Variants in SIGIRR observed in about 807,000 individuals in gnomAD.
The protein encoded by SIGIRR is single Ig IL-1-related receptor.
A neutral mutation model predicts 45.6 loss-of-function variants in SIGIRR; 41 were observed. The ratio of observed to expected loss-of-function variants is 0.90; its 90% CI spans 0.70 to 1.17. The LOEUF (loss-of-function observed/expected upper bound fraction) is 1.17. Among genes scored for constraint, SIGIRR ranks in the 50% most tolerant of loss-of-function variants. SIGIRR has a pLI of 0.00. For missense variants in SIGIRR, 599 were observed against 539.6 expected (o/e 1.11, Z -1.09); for synonymous variants, 298 against 239.0 (o/e 1.25, Z -2.28).
At chr11:406,141 C>A (rs1251770946) in intron 9 of SIGIRR, 82 bp from the exon 10 acceptor site, 7 of 1,538,846 alleles carry the variant, frequency 4.5e-6, no homozygotes, top group Non-Finnish European at 6.1e-6. Flanking sequence ...CCCCTGCTCA[C>A]CCCCTGCTGT....
chr11:407,117 TGA>T lies in SIGIRR; in HGVS notation c.671_672del (p.Leu224HisfsTer116). The T allele has an allele frequency of 3.3e-6, 5 of 1,534,252 alleles. No individual in the cohort carries two copies. The highest frequency in any genetic ancestry group is 5.1e-5 in the East Asian group (2 of 39,354). ...LLVNLSRCRR[L>X]IVVLSDAFLS... is the part of the protein sequence containing the mutation. ...AGGAAGGCGTCCGAAAGCACCACGA[TGA>T]GGCGTCGGCAGCGGCTCAGGTTCAC... On this transcript the variant is annotated frameshift_variant, in exon 7 of 10. Coordinates refer to ENST00000431843, the MANE Select transcript of SIGIRR (RefSeq NM_001135054.2). LOFTEE classifies it high-confidence loss of function.
At chr11:412,981 C>T (rs551168921) in intron 1 of SIGIRR, among the ~76,000 whole-genome samples, 1 of 152,256 alleles carries the variant, frequency 6.6e-6, no homozygotes, top group East Asian at 1.9e-4. Context: ...CAGGGAGAAG[C>T]CCAGAGCCTC....
At chr11:407,796 G>GC (rs1208360524) in intron 5 of SIGIRR, 21 bp downstream of exon 5, 1 of 1,611,826 alleles carries the variant, frequency 6.2e-7, no homozygotes, top group Admixed American at 1.7e-5. Flanking sequence ...CCCTCCTCGC[G>GC]CCCACGCGGG....
rs1046563199 is a variant in SIGIRR at position 408,797 on chromosome 11, C to T, written c.104G>A (p.Trp35Ter). ...GSSVALNCTAWVVSGPHCSLP... is the reference protein window; with the variant it reads ...GSSVALNCTA ...GGAGCAGTGGGGCCCAGAGACTACC[C>T]AAGCCGTGCAGTTCAGAGCCACTGA... The change falls in exon 3 of 10, where the codon TGG (tryptophan) becomes TAG (stop). Residue 35 changes from tryptophan (W) to a stop codon, truncating the protein, a stop_gained. Coordinates refer to ENST00000431843, the MANE Select transcript of SIGIRR (RefSeq NM_001135054.2). LOFTEE classifies it high-confidence loss of function. 6.2e-7 allele frequency: 1 copy of T among 1,612,762 alleles called. No homozygotes were observed.
Position 407,302 on chromosome 11 carries a change from T to G in SIGIRR, c.625+123A>C, listed in dbSNP as rs1193114502. On this transcript the variant is annotated intron_variant, in intron 6 of 9. Transcript: ENST00000431843. ...GTGGGCGGGTTTTTGAGGCGGGGCC[T>G]CGGGTGGGCGGGGATGGGGGCGGAG... 3.1e-5 allele frequency: 20 copies of G among 642,100 alleles called. 2 individuals carry two copies. The highest frequency in any genetic ancestry group is 1.6e-4 in the South Asian group (7 of 44,952). The allele number at this position is 642,100 out of a possible 1,614,324, so 39.8% of individuals were successfully genotyped here.
chr11:406,044 A>C lies in SIGIRR; in HGVS notation c.1085T>G (p.Val362Gly), dbSNP rs759000095. The C allele has an allele frequency of 1.4e-4, 215 of 1,586,022 alleles. No homozygotes were observed. Among genetic ancestry groups the C allele is most frequent in the Non-Finnish European group, 8.6e-7 (1 of 1,167,436 alleles). ...PEGDLGVRGPVFGEPSAPPHT... is the reference protein window; with the variant it reads ...PEGDLGVRGPGFGEPSAPPHT... ...CGGTGGAGCTGATGGCTCTCCAAAG[A>C]CAGGCCCCCGGACACCTGGGGTGGG... The change falls in exon 10 of 10, where the codon GTC becomes GGC. Residue 362 changes from valine to glycine, a missense_variant. Coordinates refer to ENST00000431843, the MANE Select transcript of SIGIRR (RefSeq NM_001135054.2).
upstream of SIGIRR, among the ~76,000 whole-genome samples, chr11:415,207 CGTGTGTGTGTGTGTGTGTGTGTGT>C (rs71022908): frequency 4.8e-5 from 7 of 144,486 alleles, no homozygotes; most frequent in East Asian, 6.1e-4. This position sits in a 1 kb window ranked among gnomAD's most constrained non-coding sequence, Gnocchi z 6.6. Context: ...CTCTGTGCAG[CGTGTGTGTGTGTGTGTGTGTGTGT>C]GTGTGTGTGT....
rs1847371606 is a variant in SIGIRR, at chr11:407,273, CGGGGT to C, written c.626-114_626-110del. The C allele has an allele frequency of 1.1e-3, 11 of 10,090 alleles. No individual in the cohort carries two copies. In the East Asian group the frequency reaches 0.058, roughly 53 times the overall value. 0.6% of individuals were successfully genotyped at this position (10,090 alleles called of 1,614,324 possible). ...AGCTCTAAGGGAGGGGCGGGGCCTG[CGGGGT>C]GGGCGGGTTTTTGAGGCGGGGCCTC... On this transcript the variant is annotated intron_variant, in intron 6 of 9. Coordinates refer to ENST00000431843, the MANE Select transcript of SIGIRR (RefSeq NM_001135054.2).
chr11:413,128 G>T (rs1462725238), intron 1 of SIGIRR, among the ~76,000 whole-genome samples: 1 of 152,138 alleles, frequency 6.6e-6, no homozygotes, highest in East Asian at 1.9e-4. Flanking sequence ...TGGGGATCAA[G>T]CCTAAGTTTC....
chr11:415,830 G>A (rs1054505135), upstream of SIGIRR, among the ~76,000 whole-genome samples: 2 of 152,176 alleles, frequency 1.3e-5, no homozygotes, highest in South Asian at 2.1e-4. The surrounding 1 kb of genome is among the most constrained non-coding windows in gnomAD (Gnocchi z 6.6). Flanking sequence ...CCCAGTGACC[G>A]GTGGCTGGTA....
chr11:410,619 CGGGGGG>C (rs35815340), intron 1 of SIGIRR, among the ~76,000 whole-genome samples: 1 of 5,704 alleles, frequency 1.8e-4, no homozygotes, highest in Non-Finnish European at 2.9e-4. Context: ...TGGATGCAGT[CGGGGGG>C]GGGGGGTGCC....
Position 406,404 on chromosome 11 carries a change from G to C in SIGIRR, c.1014C>G (p.Val338=). 1.2e-6 allele frequency: 2 copies of C among 1,612,726 alleles called. No homozygotes were observed. The highest frequency in any genetic ancestry group is 1.7e-6 in the Non-Finnish European group (2 of 1,179,896). ...KDPMLILRGR[V]PEGRALDSEV... ...CTGAGTCCAGGGCCCGGCCCTCAGGGACTCGGCCTCGAAGAATCAGCATGG... is the reference window on the plus strand; with the variant it reads ...CTGAGTCCAGGGCCCGGCCCTCAGGCACTCGGCCTCGAAGAATCAGCATGG... Residue 338 remains valine, a synonymous_variant, in exon 9 of 10, where the codon GTC becomes GTG. Transcript: ENST00000431843.
rs779414745 is a variant in SIGIRR at position 407,434 on chromosome 11, G to A, written c.616C>T (p.Pro206Ser). 22 of 1,548,006 alleles carry A rather than the reference G, an allele frequency of 1.4e-5. No homozygotes were observed. In the African/African-American group the frequency reaches 3.0e-4, roughly 21 times the overall value. Residue 206 changes from proline (P) to serine (S), a missense_variant, in exon 6 of 10, where the codon CCG (proline) becomes TCG (serine). Coordinates refer to ENST00000431843, the MANE Select transcript of SIGIRR (RefSeq NM_001135054.2). ...KLFLDDRDLLPRAEPSADLLV... is the reference protein window; with the variant it reads ...KLFLDDRDLLSRAEPSADLLV... ...GTGGGGCCCGGGATACCAGCGCGCG[G>A]CAGGAGGTCGCGGTCGTCCAGGAAG... is the stretch of plus-strand genomic sequence containing the variant.
intron 2 of SIGIRR, 119 bp downstream of exon 2, chr11:409,749 C>A (rs1257193599): frequency 9.3e-6 from 11 of 1,176,802 alleles, no homozygotes; most frequent in African/African-American, 1.6e-5. Flanking sequence ...CCTTTGTACC[C>A]CCGGCATGTG....
Position 405,737 on chromosome 11 carries a change from T to G in SIGIRR, c.*159A>C. 1 of 818,366 alleles carries G rather than the reference T, an allele frequency of 1.2e-6. No homozygotes were observed. The highest frequency in any genetic ancestry group is 1.8e-6 in the Non-Finnish European group (1 of 546,584). The allele number at this position is 818,366 out of a possible 1,614,324, so 50.7% of individuals were successfully genotyped here. A position where few individuals can be genotyped will look rare whatever the true frequency, so the allele number is the denominator to read the frequency against. On this transcript the variant is annotated 3_prime_UTR_variant, in exon 10 of 10. Transcript: ENST00000431843. ...CCAGCAGAATCCAAAAGGACTTTAT[T>G]TTCTGGCACTGGGAGGCGCCCTGAG...
chr11:406,321 G>A, intron 9 of SIGIRR, 28 bp downstream of exon 9: 1 of 1,609,012 alleles, frequency 6.2e-7, no homozygotes, highest in Non-Finnish European at 8.5e-7. Flanking sequence ...AGCTTCTCCA[G>A]TTGGGGAGTG....
rs777476009 is a variant in SIGIRR at position 406,892 on chromosome 11, C to T, written c.830G>A (p.Arg277His). 3 of 1,585,952 alleles carry T rather than the reference C, an allele frequency of 1.9e-6. No individual in the cohort carries two copies. The highest frequency in any genetic ancestry group is 2.3e-5 in the East Asian group (1 of 44,092). Residue 277 changes from arginine (R) to histidine (H), a missense_variant, in exon 8 of 10, where the codon CGC (arginine) becomes CAC (histidine). Physicochemically the swap from Arg to His is conservative, Grantham distance 29 (BLOSUM62 0). Transcript: ENST00000431843. Reference protein sequence around the residue: ...DPAHPALRLLRQHRHLVTLLL... With the variant: ...DPAHPALRLLHQHRHLVTLLL... ...CAAGGTCACCAGGTGGCGGTGCTGG[C>T]GCAGCAGGCGGAGCGCCGGGTGCGC...
intron 5 of SIGIRR, 120 bp downstream of exon 5, chr11:407,697 C>G (rs1435307469): frequency 6.4e-7 from 1 of 1,560,658 alleles, no homozygotes; most frequent in African/African-American, 1.4e-5. Flanking sequence ...CCCAGCCGGG[C>G]CGCACAGAGC....
rs757737493 is a variant in SIGIRR, at chr11:407,805, G to T, written c.481+12C>A. 9 of 1,612,314 alleles carry T rather than the reference G, an allele frequency of 5.6e-6. No homozygotes were observed. The highest frequency in any genetic ancestry group is 1.3e-5 in the African/African-American group (1 of 75,034). On this transcript the variant is annotated intron_variant, in intron 5 of 9. Transcript: ENST00000431843. ...GGCGACCCCTCCTCGCGCCCACGCG[G>T]GCCCCACGCACCGTTTATCTCCACC... is the stretch of plus-strand genomic sequence containing the variant.
Sources: allele counts gnomAD v4.1 joint callset (sites outside exome capture counted in the v4.1 genomes callset), GRCh38; gene constraint gnomAD v4.1.1; non-coding constraint Gnocchi (gnomAD v3.1); transcripts MANE v1.5; gene names NCBI Gene and HGNC (gene_info 2026-07-23, HGNC 2026-07-21).